CELF2: variants seen among roughly 807,000 people sequenced by gnomAD.
The protein encoded by CELF2 is CUGBP Elav-like family member 2.
A neutral mutation model predicts 62.6 loss-of-function variants in CELF2; 8 were observed. That is an observed-to-expected ratio of 0.13 (90% CI 0.07 to 0.23). The LOEUF (loss-of-function observed/expected upper bound fraction) is 0.23, where lower values mean the gene tolerates loss of function less well. CELF2 is among the 10% of genes least tolerant of loss of function. The pLI is 1.00. For synonymous variants in CELF2, 258 were observed against 250.0 expected (o/e 1.03, Z -0.30); for missense variants, 333 against 671.0 (o/e 0.50, Z 5.56).
the CELF2 span, among the ~76,000 whole-genome samples, chr10:10,665,872 C>T: frequency 1.3e-5 from 2 of 152,294 alleles, no homozygotes; most frequent in Non-Finnish European, 2.9e-5. Flanking sequence ...ACAAAAACTA[C>T]TCTGCAAGCC....
At chr10:10,595,330 T>C in the CELF2 span, among the ~76,000 whole-genome samples, 2 of 152,010 alleles carry the variant, frequency 1.3e-5, no homozygotes, top group African/African-American at 2.4e-5. Flanking sequence ...AATAGAATCC[T>C]CACCCTGTAA....
chr10:11,298,085 G>A (rs2093368951), intron 9 of CELF2, among the ~76,000 whole-genome samples: 2 of 152,242 alleles, frequency 1.3e-5, no homozygotes, highest in African/African-American at 4.8e-5. Context: ...CATATCTGTA[G>A]ACCAAAGAGA....
At chr10:11,070,680 A>G (rs1177404594) in intron 1 of CELF2, among the ~76,000 whole-genome samples, 2 of 152,142 alleles carry the variant, frequency 1.3e-5, no homozygotes, top group Non-Finnish European at 2.9e-5. Context: ...GGGACCAACA[A>G]TACTTTGTGG....
the CELF2 span, among the ~76,000 whole-genome samples, chr10:10,788,765 T>C: frequency 2.0e-4 from 31 of 152,176 alleles, no homozygotes; most frequent in Non-Finnish European, 4.3e-4. Flanking sequence ...GCCCAGCCTC[T>C]TTCCAGTATT....
the CELF2 span, among the ~76,000 whole-genome samples, chr10:10,609,100 C>A: frequency 6.6e-6 from 1 of 152,130 alleles, no homozygotes; most frequent in African/African-American, 2.4e-5. Context: ...ATTATTTTAT[C>A]ATTTTAGTGT....
chr10:10,549,503 C>T, the CELF2 span, among the ~76,000 whole-genome samples: 11 of 152,178 alleles, frequency 7.2e-5, no homozygotes, highest in African/African-American at 1.9e-4. Context: ...AGGCTGGTCT[C>T]GAGCTCCTGA....
At chr10:10,723,623 A>C in the CELF2 span, among the ~76,000 whole-genome samples, 1 of 152,206 alleles carries the variant, frequency 6.6e-6, no homozygotes, top group African/African-American at 2.4e-5. Flanking sequence ...TTTAAAGCAC[A>C]TAACTCCACC....
At chr10:10,473,165 T>C in the CELF2 span, among the ~76,000 whole-genome samples, 458 of 152,096 alleles carry the variant, frequency 3.0e-3, 3 homozygotes, top group African/African-American at 0.011. Context: ...GATGAAATCA[T>C]ACAGGAGTAA....
At chr10:10,558,976 T>G in the CELF2 span, among the ~76,000 whole-genome samples, 1 of 152,146 alleles carries the variant, frequency 6.6e-6, no homozygotes. Context: ...TATAAGAAGA[T>G]CTCATTAATA....
At chr10:10,617,711 G>C in the CELF2 span, among the ~76,000 whole-genome samples, 15 of 44,788 alleles carry the variant, frequency 3.3e-4, no homozygotes, top group African/African-American at 5.4e-4. Context: ...CTTTGTAAAG[G>C]GGGGGGAAAT....
the CELF2 span, chr10:10,792,263 T>C: frequency 5.0e-6 from 2 of 396,560 alleles, no homozygotes; most frequent in Admixed American, 4.4e-5. Flanking sequence ...CATTAACAAG[T>C]TAGTTTTTAG....
chr10:10,532,995 G>A, the CELF2 span, among the ~76,000 whole-genome samples: 5 of 151,922 alleles, frequency 3.3e-5, no homozygotes, highest in African/African-American at 9.7e-5. Context: ...TTCTGGCTTC[G>A]TGCTTTCTCT....
At chr10:10,782,774 G>A in the CELF2 span, among the ~76,000 whole-genome samples, 1 of 152,170 alleles carries the variant, frequency 6.6e-6, no homozygotes, top group Non-Finnish European at 1.5e-5. Flanking sequence ...CAGGTTCTTT[G>A]TGATGTCAGC....
rs557301085 is a variant in CELF2, at chr10:11,138,503, G to C, written c.75-26983G>C. ...TTGACAGACTTATTTTATTCATTCT[G>C]TGTTTACACACCGACAGCTATGACA... On this transcript the variant is annotated intron_variant, in intron 1 of 12. Coordinates refer to ENST00000633077, the MANE Select transcript of CELF2 (RefSeq NM_001326342.2). 2.3e-4 allele frequency among the ~76,000 whole-genome samples: 35 copies of C among 152,224 alleles called. No individual in the cohort carries two copies. In the South Asian group the frequency reaches 5.0e-3, roughly 22 times the overall value.
At chr10:11,108,416 C>T (rs1435144978) in intron 1 of CELF2, among the ~76,000 whole-genome samples, 1 of 151,448 alleles carries the variant, frequency 6.6e-6, no homozygotes, top group Non-Finnish European at 1.5e-5. Context: ...GTGCATCTTA[C>T]TCCTTGCTTC....
At chr10:11,020,012 C>T (rs1037522154) in intron 1 of CELF2, among the ~76,000 whole-genome samples, 2 of 152,138 alleles carry the variant, frequency 1.3e-5, no homozygotes, top group Admixed American at 6.5e-5. Context: ...GTGTTAATGG[C>T]CTCAGAAAGA....
chr10:10,869,662 C>A (rs1162828132), intron 1 of CELF2, among the ~76,000 whole-genome samples: 1 of 152,236 alleles, frequency 6.6e-6, no homozygotes, highest in South Asian at 2.1e-4. Flanking sequence ...TTTTCTAATC[C>A]CTGGTTTTAT....
In CELF2 at chr10:11,324,087, G is replaced by A. The variant is rs1468557746; in HGVS notation, c.1295-1749G>A. On this transcript the variant is annotated intron_variant, in intron 11 of 12. Transcript: ENST00000633077. This position sits in a 1 kb window ranked among gnomAD's most constrained non-coding sequence, Gnocchi z 4.7. ...CAAAACCTACTTGTGTGCGTTTACT[G>A]GTCTCTCTGTTTCCTTGGTCTCTGT... Among the ~76,000 whole-genome samples the A allele has an allele frequency of 1.3e-5, 2 of 152,088 alleles. No individual in the cohort carries two copies. Among genetic ancestry groups the A allele is most frequent in the African/African-American group, 4.8e-5 (2 of 41,408 alleles).
the CELF2 span, among the ~76,000 whole-genome samples, chr10:10,747,229 G>T: frequency 3.9e-4 from 59 of 152,264 alleles, no homozygotes; most frequent in African/African-American, 1.2e-3. Flanking sequence ...CCCACACTGG[G>T]GTGATAGAAT....
Sources: allele counts gnomAD v4.1 joint callset (sites outside exome capture counted in the v4.1 genomes callset), GRCh38; gene constraint gnomAD v4.1.1; non-coding constraint Gnocchi (gnomAD v3.1); transcripts MANE v1.5; gene names NCBI Gene and HGNC (gene_info 2026-07-23, HGNC 2026-07-21).